The following GLI2 variants were observed in gnomAD, a reference collection of about 807,000 sequenced individuals.
GLI2 encodes GLI family zinc finger 2.
In GLI2, 22 loss-of-function variants were observed where a neutral mutation model predicts 78.9. The ratio of observed to expected loss-of-function variants is 0.28; its 90% CI spans 0.20 to 0.40. The LOEUF (loss-of-function observed/expected upper bound fraction) is 0.40, where lower values mean the gene tolerates loss of function less well. Among genes scored for constraint, GLI2 ranks in the 10% least tolerant of loss-of-function variants. The pLI is 1.00. For missense variants in GLI2, 2,097 were observed against 2,213.2 expected (o/e 0.95, Z 1.05); for synonymous variants, 974 against 963.7 (o/e 1.01, Z -0.20).
At position 120,842,076 on chromosome 2, in the gene GLI2, A is replaced by AC. The variant is rs1491056959; in HGVS notation, c.148+44608_148+44609insC. Among the ~76,000 whole-genome samples the AC allele has an allele frequency of 2.7e-5, 4 of 148,904 alleles. No individual in the cohort carries two copies. In the East Asian group the frequency reaches 7.7e-4, roughly 29 times the overall value. The stretch of plus-strand genomic sequence containing the variant: ...GTCAACTCAAAAAAAAAAAAAAAAA[A>AC]ACAGACTTCTTTGCTTAAAGTTGAT... On this transcript the variant is annotated intron_variant, in intron 2 of 13. Coordinates refer to ENST00000361492, the MANE Select transcript of GLI2 (RefSeq NM_001374353.1).
At chr2:120,982,690 T>A in intron 10 of GLI2, 26 bp from the exon 11 acceptor site, 1 of 1,596,916 alleles carries the variant, frequency 6.3e-7, no homozygotes, top group East Asian at 2.2e-5. Flanking sequence ...TGGGGTGCCT[T>A]GACTGACTGA....
rs1336752826 is a variant in GLI2, at chr2:120,749,651, A to C, written c.-31+13366A>C. Among the ~76,000 whole-genome samples, 3 of 152,242 alleles carry C rather than the reference A, an allele frequency of 2.0e-5. No homozygotes were observed. In the East Asian group the frequency reaches 5.8e-4, roughly 29 times the overall value. On this transcript the variant is annotated intron_variant, in intron 1 of 13. Coordinates refer to ENST00000361492, the MANE Select transcript of GLI2 (RefSeq NM_001374353.1). ...TTTCTAGGACTCTGTAAGCTATGAC[A>C]GTCAGAGCCTGGGATCATAATTGTT... is the stretch of plus-strand genomic sequence containing the variant.
chr2:120,751,808 T>C (rs1027429886), intron 1 of GLI2, among the ~76,000 whole-genome samples: 2 of 152,250 alleles, frequency 1.3e-5, no homozygotes, highest in Non-Finnish European at 2.9e-5. Context: ...CCCACAGATA[T>C]GTCTCTGACC....
At chr2:120,821,766 T>C (rs2104749381) in intron 2 of GLI2, among the ~76,000 whole-genome samples, 1 of 152,324 alleles carries the variant, frequency 6.6e-6, no homozygotes, top group South Asian at 2.1e-4. Context: ...TGCCTAAGCC[T>C]GTGCTGCGAC....
In GLI2 at chr2:120,754,879, T is replaced by C. The variant is rs958645714; in HGVS notation, c.-31+18594T>C. The stretch of plus-strand genomic sequence containing the variant: ...CTTTTTTTTTTTTTTTAAGACAGAG[T>C]TTCACTCTTGTTGCCCAGGCTGGAG... On this transcript the variant is annotated intron_variant, in intron 1 of 13. Transcript: ENST00000361492. Among the ~76,000 whole-genome samples the C allele has an allele frequency of 1.3e-4, 20 of 150,996 alleles. No homozygotes were observed. The East Asian group carries it at 1.8e-3, about 13-fold the overall frequency.
chr2:120,879,049 T>C (rs1307105473), intron 2 of GLI2, among the ~76,000 whole-genome samples: 1 of 152,096 alleles, frequency 6.6e-6, no homozygotes, highest in Non-Finnish European at 1.5e-5. Context: ...AGTGTGTGTC[T>C]CCTCCGGCAT....
In GLI2 at chr2:120,990,087, G is replaced by C. The variant is rs1489027653; in HGVS notation, c.4122G>C (p.Gln1374His). 8.1e-6 allele frequency: 13 copies of C among 1,598,500 alleles called. No homozygotes were observed. The highest frequency in any genetic ancestry group is 1.7e-5 in the Admixed American group (1 of 59,442). ...GRHRGVRAVQ[Q>H]QLAYARATGH... ...ACCGTGGGGTACGTGCTGTGCAGCA[G>C]CAGCTGGCCTACGCCAGGGCCACAG... is the stretch of plus-strand genomic sequence containing the variant. The change falls in exon 14 of 14, where the codon CAG becomes CAC. Residue 1374 changes from glutamine (Q) to histidine (H), a missense_variant. Transcript: ENST00000361492.
At chr2:120,739,700 G>A (rs1395009271) in intron 1 of GLI2, among the ~76,000 whole-genome samples, 1 of 152,224 alleles carries the variant, frequency 6.6e-6, no homozygotes, top group East Asian at 1.9e-4. Context: ...GAACCCGGGG[G>A]AGCACTTCCC....
intron 2 of GLI2, among the ~76,000 whole-genome samples, chr2:120,812,284 G>A (rs944812640): frequency 1.7e-4 from 26 of 152,266 alleles, no homozygotes; most frequent in East Asian, 3.9e-4. Context: ...GTCGCGGCCC[G>A]GTCCCCTCAC....
At chr2:120,738,543 C>A (rs1450199211) in intron 1 of GLI2, among the ~76,000 whole-genome samples, 2 of 152,166 alleles carry the variant, frequency 1.3e-5, no homozygotes, top group African/African-American at 4.8e-5. Flanking sequence ...CAGGGAAGAT[C>A]CTGCATTTGA....
At chr2:120,823,410 A>G (rs563081461) in intron 2 of GLI2, among the ~76,000 whole-genome samples, 1 of 152,308 alleles carries the variant, frequency 6.6e-6, no homozygotes, top group African/African-American at 2.4e-5. Flanking sequence ...TGCAGGTTCC[A>G]GTCCCTGGGC....
At chr2:120,762,150 C>G (rs901986732) in intron 1 of GLI2, among the ~76,000 whole-genome samples, 1 of 152,136 alleles carries the variant, frequency 6.6e-6, no homozygotes, top group Non-Finnish European at 1.5e-5. Flanking sequence ...AAGCTGGTGG[C>G]AGTCATGGCC....
chr2:120,962,711 T>C (rs1223205518), intron 5 of GLI2, among the ~76,000 whole-genome samples: 2 of 152,182 alleles, frequency 1.3e-5, no homozygotes, highest in Non-Finnish European at 2.9e-5. Flanking sequence ...TAGTAATTTA[T>C]CAAGGGAAGA....
At chr2:120,967,311 C>T (rs921495311) in intron 5 of GLI2, among the ~76,000 whole-genome samples, 4 of 152,226 alleles carry the variant, frequency 2.6e-5, no homozygotes, top group African/African-American at 9.6e-5. Flanking sequence ...GCCTAATTTA[C>T]ACCTCATGCC....
At chr2:120,973,731 C>T (rs780752845) in intron 8 of GLI2, among the ~76,000 whole-genome samples, 11 of 152,320 alleles carry the variant, frequency 7.2e-5, no homozygotes, top group African/African-American at 1.9e-4. Flanking sequence ...AGCTATTGTA[C>T]GACATGTTGT....
At chr2:120,954,119 G>T (rs1461282124) in intron 4 of GLI2, among the ~76,000 whole-genome samples, 1 of 152,192 alleles carries the variant, frequency 6.6e-6, no homozygotes, top group Non-Finnish European at 1.5e-5. Context: ...GGCAGATTAG[G>T]CTCAAGAGCA....
intron 2 of GLI2, among the ~76,000 whole-genome samples, chr2:120,809,866 C>T (rs1407515058): frequency 1.3e-5 from 2 of 152,186 alleles, no homozygotes; most frequent in Non-Finnish European, 2.9e-5. Flanking sequence ...AGAGCACCAG[C>T]CTCCAGCTAA....
In GLI2 at chr2:120,983,001, C is replaced by G. The variant is rs992410265; in HGVS notation, c.1632+121C>G. The G allele has an allele frequency of 7.4e-5, 63 of 852,602 alleles. No homozygotes were observed. In the Middle Eastern group the frequency reaches 9.4e-4, roughly 13 times the overall value. The allele number at this position is 852,602 out of a possible 1,614,324, so 52.8% of individuals were successfully genotyped here. ...CCCATGTCCCGCCCCCGCCACTGAC[C>G]AGCTATACATCCTCAGATACAGACC... On this transcript the variant is annotated intron_variant, in intron 11 of 13. Coordinates refer to ENST00000361492, the MANE Select transcript of GLI2 (RefSeq NM_001374353.1).
intron 8 of GLI2, chr2:120,972,715 A>C (rs750356985): frequency 1.9e-6 from 1 of 518,082 alleles, no homozygotes; most frequent in South Asian, 1.4e-5. Flanking sequence ...GATTCAATGC[A>C]CATTTGAGTC....
Sources: allele counts gnomAD v4.1 joint callset (sites outside exome capture counted in the v4.1 genomes callset), GRCh38; gene constraint gnomAD v4.1.1; transcripts MANE v1.5; gene names NCBI Gene and HGNC (gene_info 2026-07-23, HGNC 2026-07-21).